ATG10: variants seen among roughly 807,000 people sequenced by gnomAD.
ATG10 encodes autophagy related 10.
In ATG10, 30 loss-of-function variants were observed where a neutral mutation model predicts 32.1. The ratio of observed to expected loss-of-function variants is 0.94; its 90% CI spans 0.70 to 1.27. The LOEUF (loss-of-function observed/expected upper bound fraction) is 1.27, where lower values mean the gene tolerates loss of function less well. Ranked by LOEUF, ATG10 falls within the 50% of genes most tolerant of loss-of-function variation. The pLI is 0.00. For missense variants in ATG10, 233 were observed against 262.3 expected (o/e 0.89, Z 0.77); for synonymous variants, 87 against 91.5 (o/e 0.95, Z 0.28).
intron 5 of ATG10, among the ~76,000 whole-genome samples, chr5:82,228,360 C>A (rs1461451805): frequency 6.6e-6 from 1 of 152,116 alleles, no homozygotes; most frequent in East Asian, 1.9e-4. Context: ...TGAATACTAG[C>A]AATGATTATG....
At chr5:82,021,440 A>G (rs1762431514) in intron 2 of ATG10, among the ~76,000 whole-genome samples, 2 of 152,240 alleles carry the variant, frequency 1.3e-5, no homozygotes, top group South Asian at 4.1e-4. Flanking sequence ...TAACCCATGC[A>G]CATCCTCCTG....
intron 3 of ATG10, among the ~76,000 whole-genome samples, chr5:82,068,414 G>A (rs987786638): frequency 1.3e-5 from 2 of 151,970 alleles, no homozygotes; most frequent in East Asian, 1.9e-4. Flanking sequence ...TGGGGGAGAG[G>A]GGAAGGATAG....
At chr5:82,092,500 T>G (rs1764925547) in intron 3 of ATG10, among the ~76,000 whole-genome samples, 1 of 152,170 alleles carries the variant, frequency 6.6e-6, no homozygotes, top group Non-Finnish European at 1.5e-5. Context: ...GGTTAAGCAG[T>G]TCTGTAGGTC....
intron 2 of ATG10, among the ~76,000 whole-genome samples, chr5:81,995,380 C>A (rs147143324): frequency 6.6e-6 from 1 of 152,026 alleles, no homozygotes; most frequent in Non-Finnish European, 1.5e-5. Flanking sequence ...TGACCTCAAG[C>A]GATCCGCCCA....
rs547587832 is a variant in ATG10, at chr5:81,998,117, T to C, written c.108+10439T>C. Among the ~76,000 whole-genome samples the C allele has an allele frequency of 7.2e-5, 11 of 152,080 alleles. No homozygotes were observed. The East Asian group carries it at 1.2e-3, about 16-fold the overall frequency. On this transcript the variant is annotated intron_variant, in intron 2 of 7. Coordinates refer to ENST00000282185, the MANE Select transcript of ATG10 (RefSeq NM_031482.5). The stretch of plus-strand genomic sequence containing the variant: ...TCCCCAAGGTTGAAATGAAAGACAA[T>C]ATTTTAAAGGCAGCTAGAGAGAAGG...
intron 3 of ATG10, among the ~76,000 whole-genome samples, chr5:82,137,264 G>A (rs1561318630): frequency 6.6e-6 from 1 of 152,092 alleles, no homozygotes; most frequent in Non-Finnish European, 1.5e-5. Context: ...CTGGCAAGCA[G>A]TTGTGATCCT....
chr5:82,225,631 C>G (rs1421760455), intron 5 of ATG10, among the ~76,000 whole-genome samples: 1 of 152,170 alleles, frequency 6.6e-6, no homozygotes, highest in African/African-American at 2.4e-5. Flanking sequence ...TGGCTATGGC[C>G]TCTGCTGCCT....
At chr5:82,241,957 A>T (rs906904719) in intron 5 of ATG10, among the ~76,000 whole-genome samples, 1 of 152,138 alleles carries the variant, frequency 6.6e-6, no homozygotes, top group Non-Finnish European at 1.5e-5. Flanking sequence ...GGTGGGATGC[A>T]CTTTTAATGT....
At chr5:82,103,553 C>T (rs1182021331) in intron 3 of ATG10, among the ~76,000 whole-genome samples, 4 of 152,146 alleles carry the variant, frequency 2.6e-5, no homozygotes, top group Non-Finnish European at 4.4e-5. Context: ...CTGCTTCCCA[C>T]TTGTCCTGTT....
intron 3 of ATG10, among the ~76,000 whole-genome samples, chr5:82,118,977 T>C (rs1765934651): frequency 3.3e-5 from 5 of 152,208 alleles, no homozygotes; most frequent in Admixed American, 3.3e-4. Flanking sequence ...TTTGAATTCC[T>C]GAAAGAGTTT....
At chr5:82,236,488 C>T (rs921126143) in intron 5 of ATG10, among the ~76,000 whole-genome samples, 5 of 152,230 alleles carry the variant, frequency 3.3e-5, no homozygotes, top group African/African-American at 1.2e-4. Flanking sequence ...TGGAGACTGT[C>T]AGAAGCCCAG....
At chr5:82,004,711 G>A (rs1012438044) in intron 2 of ATG10, among the ~76,000 whole-genome samples, 3 of 152,182 alleles carry the variant, frequency 2.0e-5, no homozygotes, top group African/African-American at 7.2e-5. Context: ...TGAGTCTGAC[G>A]ACTGCCAGCT....
intron 5 of ATG10, among the ~76,000 whole-genome samples, chr5:82,194,772 C>A (rs979187022): frequency 6.6e-6 from 1 of 152,094 alleles, no homozygotes; most frequent in Non-Finnish European, 1.5e-5. Flanking sequence ...GAATTTAGTT[C>A]TTTTTCCTGG....
Position 82,255,159 on chromosome 5 carries a change from G to A in ATG10, c.*1096G>A, listed in dbSNP as rs1203306159. ...TGCTGTACTCTTTGAGGGCTCTTGAGCGAGTCTTCATGTCCCTGAGACTTA... is the reference window on the plus strand; with the variant it reads ...TGCTGTACTCTTTGAGGGCTCTTGAACGAGTCTTCATGTCCCTGAGACTTA... On this transcript the variant is annotated 3_prime_UTR_variant, in exon 8 of 8. Transcript: ENST00000282185. The A allele has an allele frequency of 6.6e-6, 1 of 152,136 alleles. No homozygotes were observed. Among genetic ancestry groups the A allele is most frequent in the African/African-American group, 2.4e-5 (1 of 41,428 alleles). The allele number at this position is 152,136 out of a possible 1,614,324, so 9.4% of individuals were successfully genotyped here.
chr5:82,121,272 C>T (rs911910752), intron 3 of ATG10, among the ~76,000 whole-genome samples: 3 of 152,044 alleles, frequency 2.0e-5, no homozygotes, highest in Non-Finnish European at 2.9e-5. Flanking sequence ...CCTCTTCACA[C>T]GTTTTCTATT....
At chr5:81,998,819 A>C (rs964355885) in intron 2 of ATG10, among the ~76,000 whole-genome samples, 3 of 152,266 alleles carry the variant, frequency 2.0e-5, no homozygotes, top group Non-Finnish European at 2.9e-5. Context: ...TAAAGGGCAC[A>C]GTTCAACAAG....
chr5:82,123,295 AT>A lies in ATG10; in HGVS notation c.217-41102del, dbSNP rs554393615. On this transcript the variant is annotated intron_variant, in intron 3 of 7. Transcript: ENST00000282185. The stretch of plus-strand genomic sequence containing the variant: ...ACCAAATACCGTTATGTTCTTACTT[AT>A]TAAGTGGGAGCTATATGACAAGAAC... Among the ~76,000 whole-genome samples the A allele has an allele frequency of 1.1e-3, 175 of 152,320 alleles. 2 individuals carry two copies. Among genetic ancestry groups the A allele is most frequent in the Admixed American group, 2.3e-3 (35 of 15,294 alleles).
intron 4 of ATG10, among the ~76,000 whole-genome samples, chr5:82,169,216 A>G (rs1743708186): frequency 6.6e-6 from 1 of 152,092 alleles, no homozygotes; most frequent in Admixed American, 6.6e-5. Flanking sequence ...AGAAAAAGTG[A>G]AAGAGTTTGA....
At chr5:82,203,027 A>C (rs1745130770) in intron 5 of ATG10, among the ~76,000 whole-genome samples, 1 of 152,106 alleles carries the variant, frequency 6.6e-6, no homozygotes, top group Non-Finnish European at 1.5e-5. Flanking sequence ...CAGGAGTTTG[A>C]GACCAGCCTA....
Sources: allele counts gnomAD v4.1 joint callset (sites outside exome capture counted in the v4.1 genomes callset), GRCh38; gene constraint gnomAD v4.1.1; transcripts MANE v1.5; gene names NCBI Gene and HGNC (gene_info 2026-07-23, HGNC 2026-07-21).